SLC9A1: variants seen among roughly 807,000 people sequenced by gnomAD.
SLC9A1 encodes the protein sodium/hydrogen exchanger 1.
SLC9A1 carries 22 observed loss-of-function variants against 67.9 expected under a neutral mutation model. That is an observed-to-expected ratio of 0.32 (90% CI 0.23 to 0.46). The LOEUF (loss-of-function observed/expected upper bound fraction) is 0.46. Among genes scored for constraint, SLC9A1 ranks in the 20% least tolerant of loss-of-function variants. The pLI, the probability that SLC9A1 is intolerant of heterozygous loss-of-function variation, is 1.00. For missense variants in SLC9A1, 686 were observed against 1,094.8 expected (o/e 0.63, Z 5.27); for synonymous variants, 421 against 471.8 (o/e 0.89, Z 1.40).
chr1:27,126,540 T>C (rs2083345397), intron 1 of SLC9A1, among the ~76,000 whole-genome samples: 1 of 152,148 alleles, frequency 6.6e-6, no homozygotes, highest in African/African-American at 2.4e-5. Context: ...TCACGCTCAG[T>C]TCTGTGGCCT....
chr1:27,145,857 G>A (rs765570727), intron 1 of SLC9A1, among the ~76,000 whole-genome samples: 1 of 152,170 alleles, frequency 6.6e-6, no homozygotes. Context: ...GAGCTTTAGG[G>A]GGAAGAAAAT....
At chr1:27,149,792 G>A (rs2083514840) in intron 1 of SLC9A1, among the ~76,000 whole-genome samples, 2 of 152,220 alleles carry the variant, frequency 1.3e-5, no homozygotes, top group Non-Finnish European at 2.9e-5. Flanking sequence ...GCAGAACCCA[G>A]GGCTTCTGAC....
chr1:27,154,140 C>G lies in SLC9A1; in HGVS notation c.195G>C (p.Pro65=). Residue 65 remains proline (P), a synonymous_variant, in exon 1 of 12, where the codon CCG becomes CCC. Transcript: ENST00000263980. ...CAGGGCGGCTCTCTGGGGTGACCTC[C>G]GGTGGAGCGGTGGTGACATCCCCAA... is the stretch of plus-strand genomic sequence containing the variant. ...RSIGDVTTAP[P]EVTPESRPVN... is the part of the protein sequence containing the mutation. 6.2e-7 allele frequency: 1 copy of G among 1,614,086 alleles called. No individual in the cohort carries two copies. Among genetic ancestry groups the G allele is most frequent in the Non-Finnish European group, 8.5e-7 (1 of 1,179,966 alleles).
intron 1 of SLC9A1, among the ~76,000 whole-genome samples, chr1:27,121,321 T>C (rs963536781): frequency 6.6e-6 from 1 of 152,142 alleles, no homozygotes; most frequent in African/African-American, 2.4e-5. Context: ...ATCTGAGTCA[T>C]GGAAAAGAGA....
At chr1:27,135,134 C>T (rs1055213735) in intron 1 of SLC9A1, among the ~76,000 whole-genome samples, 3 of 151,608 alleles carry the variant, frequency 2.0e-5, no homozygotes, top group African/African-American at 4.9e-5. Context: ...ACTGCAGCCT[C>T]GACCTCTTGA....
At chr1:27,133,072 C>CTT (rs869309425) in intron 1 of SLC9A1, among the ~76,000 whole-genome samples, 4 of 145,636 alleles carry the variant, frequency 2.7e-5, no homozygotes, top group Non-Finnish European at 4.6e-5. Flanking sequence ...TTTCCTGATT[C>CTT]TTTTTTTTTT....
chr1:27,120,022 A>G (rs905426111), intron 1 of SLC9A1, among the ~76,000 whole-genome samples: 6 of 152,058 alleles, frequency 3.9e-5, no homozygotes, highest in Non-Finnish European at 8.8e-5. Flanking sequence ...CAGTGAGCCA[A>G]GATTGCACCA....
rs1483373025 is a variant in SLC9A1 at position 27,101,242 on chromosome 1, G to T, written c.2071C>A (p.Leu691Met). The change falls in exon 11 of 12, where the codon CTG (leucine) becomes ATG (methionine). Residue 691 changes from leucine (L) to methionine (M), a missense_variant. Leu to Met is a conservative substitution (Grantham distance 15). Around this residue, in one of 7 missense-constraint regions of SLC9A1, gnomAD observed 226 missense variants for 282.4 expected, o/e 0.80. Transcript: ENST00000263980. The surrounding 1 kb of genome is among the most constrained non-coding windows in gnomAD (Gnocchi z 4.9). ...GCCCGAGACATGGTGGGTGAGTCCA[G>T]CTTGTGGGCTGGCACCGTCAGGTAG... ...NNYLTVPAHK[L>M]DSPTMSRARI... is the part of the protein sequence containing the mutation. 1.2e-6 allele frequency: 2 copies of T among 1,612,284 alleles called. No homozygotes were observed. The highest frequency in any genetic ancestry group is 3.3e-5 in the Admixed American group (2 of 60,020).
intron 2 of SLC9A1, among the ~76,000 whole-genome samples, chr1:27,111,785 T>C (rs1287238072): frequency 2.0e-5 from 3 of 152,182 alleles, no homozygotes; most frequent in Non-Finnish European, 2.9e-5. Context: ...TGAGTGACAC[T>C]GTCTGTGTGA....
At chr1:27,103,585 C>G (rs778391322) in intron 5 of SLC9A1, 4 of 501,938 alleles carry the variant, frequency 8.0e-6, no homozygotes, top group African/African-American at 7.8e-5. Context: ...AGCAGACAGC[C>G]TGGGTTCAGA....
intron 1 of SLC9A1, among the ~76,000 whole-genome samples, chr1:27,148,120 T>G (rs1270101754): frequency 6.6e-6 from 1 of 152,134 alleles, no homozygotes. Flanking sequence ...CCATCCTACA[T>G]GTTTTCCATT....
chr1:27,142,686 A>C (rs2083459912), intron 1 of SLC9A1, among the ~76,000 whole-genome samples: 1 of 152,172 alleles, frequency 6.6e-6, no homozygotes, highest in Non-Finnish European at 1.5e-5. Context: ...TCACCATGGC[A>C]ACCCAGCAGA....
intron 1 of SLC9A1, among the ~76,000 whole-genome samples, chr1:27,121,410 T>C (rs1223264688): frequency 6.6e-6 from 1 of 152,156 alleles, no homozygotes; most frequent in African/African-American, 2.4e-5. Context: ...CGTAAATCAC[T>C]ATACCATGGA....
At chr1:27,111,548 C>T (rs1015446463) in intron 2 of SLC9A1, among the ~76,000 whole-genome samples, 1 of 152,158 alleles carries the variant, frequency 6.6e-6, no homozygotes, top group Non-Finnish European at 1.5e-5. Flanking sequence ...GTAATCTCAG[C>T]ACTTTGGGAG....
Position 27,098,851 on chromosome 1 carries a change from T to C in SLC9A1, c.*1456A>G, listed in dbSNP as rs1234680509. 1.3e-5 allele frequency: 2 copies of C among 152,504 alleles called. No homozygotes were observed. Among genetic ancestry groups the C allele is most frequent in the Admixed American group, 6.5e-5 (1 of 15,284 alleles). 9.4% of individuals were successfully genotyped at this position (152,504 alleles called of 1,614,324 possible). A position where few individuals can be genotyped will look rare whatever the true frequency, so the allele number is the denominator to read the frequency against. ...TTGATTTATTAGAATATGAAAAAGA[T>C]TCAGTTTCTTCTGTACAGGCAGCAG... On this transcript the variant is annotated 3_prime_UTR_variant, in exon 12 of 12. Transcript: ENST00000263980.
chr1:27,132,804 C>A (rs2124188607), intron 1 of SLC9A1, among the ~76,000 whole-genome samples: 1 of 152,350 alleles, frequency 6.6e-6, no homozygotes, highest in South Asian at 2.1e-4. Context: ...TTTCGGACAG[C>A]CCCGCCTGGC....
intron 1 of SLC9A1, among the ~76,000 whole-genome samples, chr1:27,129,642 T>C (rs2124182822): frequency 6.6e-6 from 1 of 152,248 alleles, no homozygotes; most frequent in South Asian, 2.1e-4. Context: ...ATGCAAAGGA[T>C]GAAGCCCAGA....
intron 1 of SLC9A1, among the ~76,000 whole-genome samples, chr1:27,150,294 T>C (rs373587582): frequency 1.3e-5 from 2 of 152,174 alleles, no homozygotes; most frequent in East Asian, 3.9e-4. Context: ...AAAAAAGCTA[T>C]AAGATATAAA....
chr1:27,101,340 C>G lies in SLC9A1; in HGVS notation c.2038-65G>C. The G allele has an allele frequency of 7.7e-7, 1 of 1,300,662 alleles. No homozygotes were observed. Among genetic ancestry groups the G allele is most frequent in the South Asian group, 1.2e-5 (1 of 83,470 alleles). 80.6% of individuals were successfully genotyped at this position (1,300,662 alleles called of 1,614,324 possible). Reference sequence around the variant, plus strand: ...GCAGAGGGAGCCCCTCAGGACAGAACCCGGCCAGTGCACACCCCACCTTTC... The same window carrying G: ...GCAGAGGGAGCCCCTCAGGACAGAAGCCGGCCAGTGCACACCCCACCTTTC... On this transcript the variant is annotated intron_variant, in intron 10 of 11. Transcript: ENST00000263980. This position sits in a 1 kb window ranked among gnomAD's most constrained non-coding sequence, Gnocchi z 4.9.
Sources: gnomAD v4.1 joint callset for allele counts (sites outside exome capture counted in the v4.1 genomes callset) on GRCh38, gnomAD v4.1.1 for gene constraint, gnomAD v4.1.1 regional missense constraint, Gnocchi (gnomAD v3.1) non-coding constraint, MANE v1.5 for transcripts, NCBI Gene and HGNC (gene_info 2026-07-23, HGNC 2026-07-21) for gene names.